TMEM50A: variants seen among roughly 807,000 people sequenced by gnomAD.
TMEM50A encodes transmembrane protein 50A.
A neutral mutation model predicts 23.9 loss-of-function variants in TMEM50A; 8 were observed. That is an observed-to-expected ratio of 0.33 (90% confidence interval 0.20 to 0.60). The LOEUF (loss-of-function observed/expected upper bound fraction) is 0.60. Ranked by LOEUF, TMEM50A falls within the 20% of genes least tolerant of loss-of-function variation. The pLI is 0.81. For missense variants in TMEM50A, 178 were observed against 192.7 expected (o/e 0.92, Z 0.45); for synonymous variants, 55 against 60.4 (o/e 0.91, Z 0.41).
chr1:25,360,596 G>T, intron 6 of TMEM50A, 64 bp from the exon 7 acceptor site: 1 of 1,576,480 alleles, frequency 6.3e-7, no homozygotes, highest in Middle Eastern at 1.8e-4. Context: ...CACCATTCTC[G>T]AAATCTCACA....
chr1:25,343,147 G>T, intron 3 of TMEM50A, 74 bp downstream of exon 3: 2 of 1,170,272 alleles, frequency 1.7e-6, no homozygotes, highest in South Asian at 2.9e-5. Context: ...TAGTTGCATA[G>T]ATTTAAAATT....
At chr1:25,344,557 T>C (rs940324838) in intron 3 of TMEM50A, among the ~76,000 whole-genome samples, 1 of 152,030 alleles carries the variant, frequency 6.6e-6, no homozygotes, top group African/African-American at 2.4e-5. Flanking sequence ...TTTTTTCTTC[T>C]TTAATTAAGA....
At chr1:25,349,979 C>T (rs1214925867) in intron 3 of TMEM50A, among the ~76,000 whole-genome samples, 1 of 152,130 alleles carries the variant, frequency 6.6e-6, no homozygotes. Flanking sequence ...TGGAATGTTT[C>T]AAAGGATACT....
chr1:25,358,121 G>A (rs1426459761), intron 6 of TMEM50A, among the ~76,000 whole-genome samples: 1 of 151,504 alleles, frequency 6.6e-6, no homozygotes, highest in Admixed American at 6.6e-5. Flanking sequence ...CTAATTTTTT[G>A]TATTTTTAGT....
intron 5 of TMEM50A, 42 bp downstream of exon 5, chr1:25,353,016 T>G (rs1231560004): frequency 1.3e-6 from 2 of 1,544,066 alleles, no homozygotes; most frequent in Non-Finnish European, 1.8e-6. Flanking sequence ...AGTGGAATAC[T>G]GGAATTTTGC....
intron 6 of TMEM50A, among the ~76,000 whole-genome samples, chr1:25,357,575 T>G (rs1645347326): frequency 6.7e-6 from 1 of 149,324 alleles, no homozygotes; most frequent in Admixed American, 6.7e-5. Context: ...TGTGTGTGTG[T>G]GTTGTTTTGA....
At chr1:25,356,573 C>T (rs1025442731) in intron 5 of TMEM50A, among the ~76,000 whole-genome samples, 9 of 152,166 alleles carry the variant, frequency 5.9e-5, no homozygotes, top group African/African-American at 2.2e-4. Context: ...GGCCAGCATA[C>T]AGTATGCCCC....
Position 25,351,637 on chromosome 1 carries a change from T to C in TMEM50A, c.218T>C (p.Val73Ala). The change falls in exon 4 of 7, where the codon GTA becomes GCA. Residue 73 changes from valine to alanine, a missense_variant. Coordinates refer to ENST00000374358, the MANE Select transcript of TMEM50A (RefSeq NM_014313.4). ...ATIAFLMINA[V>A]SNGQVRGDSY... ...TTTTATTCATACAGGATTAATGCAGTATCGAATGGACAAGTCCGAGGTGAT... is the reference window on the plus strand; with the variant it reads ...TTTTATTCATACAGGATTAATGCAGCATCGAATGGACAAGTCCGAGGTGAT... The C allele has an allele frequency of 6.2e-7, 1 of 1,612,594 alleles. No individual in the cohort carries two copies. The highest frequency in any genetic ancestry group is 1.1e-5 in the South Asian group (1 of 90,644).
intron 2 of TMEM50A, 35 bp downstream of exon 2, chr1:25,340,614 G>A: frequency 6.4e-7 from 1 of 1,556,996 alleles, no homozygotes; most frequent in Non-Finnish European, 8.8e-7. Context: ...CTTATTTTTT[G>A]GTGCGTTTGT....
At chr1:25,353,230 C>T (rs1437485337) in intron 5 of TMEM50A, among the ~76,000 whole-genome samples, 1 of 152,192 alleles carries the variant, frequency 6.6e-6, no homozygotes, top group Non-Finnish European at 1.5e-5. Context: ...CACTGCTTTT[C>T]TTTGGCTTCC....
At chr1:25,357,609 A>T (rs112172987) in intron 6 of TMEM50A, among the ~76,000 whole-genome samples, 124 of 111,532 alleles carry the variant, frequency 1.1e-3, no homozygotes, top group Non-Finnish European at 1.7e-3. Context: ...TCTCTCACCC[A>T]GTGTGTGTGT....
At chr1:25,355,311 TC>T (rs1645323075) in intron 5 of TMEM50A, among the ~76,000 whole-genome samples, 2 of 150,318 alleles carry the variant, frequency 1.3e-5, no homozygotes, top group African/African-American at 4.9e-5. Flanking sequence ...CTCTCAAAAA[TC>T]AAAACAAAAA....
At chr1:25,358,703 G>A (rs1439713587) in intron 6 of TMEM50A, among the ~76,000 whole-genome samples, 1 of 152,206 alleles carries the variant, frequency 6.6e-6, no homozygotes, top group Non-Finnish European at 1.5e-5. Context: ...TGACAGTGTA[G>A]GAGGGACTGG....
intron 3 of TMEM50A, among the ~76,000 whole-genome samples, chr1:25,348,195 G>A (rs905244155): frequency 2.0e-5 from 3 of 152,034 alleles, no homozygotes; most frequent in African/African-American, 7.2e-5. Context: ...TTTTATTATA[G>A]TGTCAGATAG....
chr1:25,345,836 G>A (rs1645209616), intron 3 of TMEM50A, among the ~76,000 whole-genome samples: 1 of 151,096 alleles, frequency 6.6e-6, no homozygotes, highest in African/African-American at 2.4e-5. Context: ...CGCCCAGGCT[G>A]GAGTGCAATG....
chr1:25,347,568 T>C (rs1052528345), intron 3 of TMEM50A, among the ~76,000 whole-genome samples: 19 of 152,134 alleles, frequency 1.2e-4, no homozygotes, highest in Admixed American at 2.0e-4. Context: ...GGTTGTAGAG[T>C]CATCTCATAC....
At chr1:25,355,125 A>G (rs888704604) in intron 5 of TMEM50A, among the ~76,000 whole-genome samples, 2 of 152,064 alleles carry the variant, frequency 1.3e-5, no homozygotes, top group African/African-American at 2.4e-5. Flanking sequence ...TCTGGCTAAC[A>G]TGGCAAAACC....
chr1:25,341,449 G>A (rs1039415087), intron 2 of TMEM50A, among the ~76,000 whole-genome samples: 2 of 152,082 alleles, frequency 1.3e-5, no homozygotes, highest in Non-Finnish European at 2.9e-5. Flanking sequence ...TAGTAGAGAC[G>A]GGGTTTCGCC....
intron 3 of TMEM50A, among the ~76,000 whole-genome samples, chr1:25,351,323 C>A (rs1239721173): frequency 6.6e-6 from 1 of 152,046 alleles, no homozygotes; most frequent in African/African-American, 2.4e-5. Flanking sequence ...GCCTGAGCAA[C>A]ATAGCAAGAC....
Sources: gnomAD v4.1 joint callset for allele counts (sites outside exome capture counted in the v4.1 genomes callset) on GRCh38, gnomAD v4.1.1 for gene constraint, MANE v1.5 for transcripts, NCBI Gene and HGNC (gene_info 2026-07-23, HGNC 2026-07-21) for gene names.